The following DERA variants were observed in gnomAD, a reference collection of about 807,000 sequenced individuals.
The protein encoded by DERA is deoxyribose-phosphate aldolase.
In DERA, 15 loss-of-function variants were observed where a neutral mutation model predicts 41.1. That is an observed-to-expected ratio of 0.37 (90% CI 0.24 to 0.56). The LOEUF (loss-of-function observed/expected upper bound fraction) is 0.56. Ranked by LOEUF, DERA falls within the 20% of genes least tolerant of loss-of-function variation. The probability of loss-of-function intolerance (pLI) is 0.81; values close to 1 mark genes in which losing one functional copy is unlikely to be tolerated. For missense variants in DERA, 396 were observed against 403.4 expected (o/e 0.98, Z 0.16); for synonymous variants, 139 against 137.4 (o/e 1.01, Z -0.08).
In DERA at chr12:15,943,703, A is replaced by ATTTT. The variant is rs1483855319; in HGVS notation, c.32-13231_32-13228dup. 9.5e-5 allele frequency among the ~76,000 whole-genome samples: 9 copies of ATTTT among 94,996 alleles called. No individual in the cohort carries two copies. The highest frequency in any genetic ancestry group is 2.1e-4 in the Non-Finnish European group (9 of 43,388). The allele number at this position is 94,996 out of a possible 152,430, so 62.3% of individuals were successfully genotyped here. A position where few individuals can be genotyped will look rare whatever the true frequency, so the allele number is the denominator to read the frequency against. On this transcript the variant is annotated intron_variant, in intron 1 of 8. Transcript: ENST00000428559. This position sits in a 1 kb window ranked among gnomAD's most constrained non-coding sequence, Gnocchi z 4.5. ...TCTGTTTCTTCTTTTTTATTTTTTAATTTTTATTTATTTATTTATTTATTT... is the reference window on the plus strand; with the variant it reads ...TCTGTTTCTTCTTTTTTATTTTTTAATTTTTTTTTATTTATTTATTTATTTATTT...
At chr12:15,947,424 G>A (rs182506869) in intron 1 of DERA, among the ~76,000 whole-genome samples, 3 of 152,230 alleles carry the variant, frequency 2.0e-5, no homozygotes, top group South Asian at 2.1e-4. Flanking sequence ...AGGGTAGTTA[G>A]CTCTTCTTGT....
chr12:16,010,396 T>C lies in DERA; in HGVS notation c.638-22146T>C, dbSNP rs747645951. 8.5e-5 allele frequency among the ~76,000 whole-genome samples: 13 copies of C among 152,102 alleles called. No individual in the cohort carries two copies. The highest frequency in any genetic ancestry group is 7.4e-5 in the Non-Finnish European group (5 of 68,026). The stretch of plus-strand genomic sequence containing the variant: ...GAATGATTCTGATATCCCAGTGATA[T>C]AAAACATGATCTGGCAAAATTTGAT... On this transcript the variant is annotated intron_variant, in intron 6 of 8. Transcript: ENST00000428559. This position sits in a 1 kb window ranked among gnomAD's most constrained non-coding sequence, Gnocchi z 5.5.
At chr12:15,929,460 C>CTTGT (rs905726536) in intron 1 of DERA, among the ~76,000 whole-genome samples, 1 of 152,182 alleles carries the variant, frequency 6.6e-6, no homozygotes, top group Admixed American at 6.5e-5. Flanking sequence ...GTAGCGGAGG[C>CTTGT]TTGTTTGTTT....
chr12:15,978,229 C>A (rs958162162), intron 5 of DERA, among the ~76,000 whole-genome samples: 2 of 152,290 alleles, frequency 1.3e-5, no homozygotes, highest in Middle Eastern at 6.8e-3. Flanking sequence ...GTCCTCAAAA[C>A]GACCTAAACA....
chr12:15,973,800 C>T (rs910769003), intron 5 of DERA, among the ~76,000 whole-genome samples: 4 of 151,878 alleles, frequency 2.6e-5, no homozygotes, highest in African/African-American at 9.7e-5. Context: ...ATAATATGTA[C>T]CATATGTAAT....
chr12:15,959,933 T>C lies in DERA; in HGVS notation c.373+9T>C. On this transcript the variant is annotated intron_variant, in intron 4 of 8. Transcript: ENST00000428559. This position sits in a 1 kb window ranked among gnomAD's most constrained non-coding sequence, Gnocchi z 4.5. ...TATCCCTGTGGCATCAGGTAAAATG[T>C]GTTGTGGCTTTTGTTGTTATTTTTT... 1 of 1,529,660 alleles carries C rather than the reference T, an allele frequency of 6.5e-7. No homozygotes were observed. Among genetic ancestry groups the C allele is most frequent in the South Asian group, 1.2e-5 (1 of 81,720 alleles). 94.8% of individuals were successfully genotyped at this position (1,529,660 alleles called of 1,614,324 possible).
rs553750911 is a variant in DERA at position 15,956,122 on chromosome 12, T to A, written c.32-814T>A. Among the ~76,000 whole-genome samples the A allele has an allele frequency of 4.6e-5, 7 of 152,322 alleles. No homozygotes were observed. In the East Asian group the frequency reaches 1.4e-3, roughly 29 times the overall value. ...ACAATGTACTAAGTACAACGAATGGTTTCACCAGGAATCCTTGATGAATTG... is the reference window on the plus strand; with the variant it reads ...ACAATGTACTAAGTACAACGAATGGATTCACCAGGAATCCTTGATGAATTG... On this transcript the variant is annotated intron_variant, in intron 1 of 8. Transcript: ENST00000428559.
intron 1 of DERA, among the ~76,000 whole-genome samples, chr12:15,930,021 G>A (rs1014510265): frequency 6.6e-6 from 1 of 152,172 alleles, no homozygotes; most frequent in African/African-American, 2.4e-5. Context: ...GTAAAAAATA[G>A]TGAATAAAAG....
chr12:15,913,340 T>A lies in DERA; in HGVS notation c.31+1926T>A, dbSNP rs935375661. On this transcript the variant is annotated intron_variant, in intron 1 of 8. Transcript: ENST00000428559. The surrounding 1 kb of genome is among the most constrained non-coding windows in gnomAD (Gnocchi z 4.5). The stretch of plus-strand genomic sequence containing the variant: ...GATTTTTTTCCTTCACGGGTATTAA[T>A]CCTTAATCCAAACAGGTTTAAACTG... Among the ~76,000 whole-genome samples the A allele has an allele frequency of 9.9e-5, 15 of 152,170 alleles. No homozygotes were observed. The highest frequency in any genetic ancestry group is 3.6e-4 in the African/African-American group (15 of 41,452).
At position 15,958,412 on chromosome 12, in the gene DERA, A is replaced by G. The variant is rs1449988982; in HGVS notation, c.277+77A>G. The G allele has an allele frequency of 5.1e-6, 6 of 1,187,918 alleles. No individual in the cohort carries two copies. In the Admixed American group the frequency reaches 1.6e-4, roughly 31 times the overall value. The allele number at this position is 1,187,918 out of a possible 1,614,324, so 73.6% of individuals were successfully genotyped here. ...TACTAAATCAAAGACGACTTAAGAT[A>G]CAGCTGCTAATGATAGCGGTGATAG... On this transcript the variant is annotated intron_variant, in intron 3 of 8. Coordinates refer to ENST00000428559, the MANE Select transcript of DERA (RefSeq NM_015954.4).
intron 4 of DERA, among the ~76,000 whole-genome samples, 194 bp downstream of exon 4, chr12:15,960,118 G>A (rs1328491194): frequency 6.6e-6 from 1 of 151,528 alleles, no homozygotes; most frequent in Non-Finnish European, 1.5e-5. Flanking sequence ...ATATAGAACT[G>A]TATTCCTATC....
rs1948851310 is a variant in DERA at position 15,998,113 on chromosome 12, C to T, written c.637+15677C>T. 6.6e-6 allele frequency among the ~76,000 whole-genome samples: 1 copy of T among 152,150 alleles called. No individual in the cohort carries two copies. Among genetic ancestry groups the T allele is most frequent in the Non-Finnish European group, 1.5e-5 (1 of 68,026 alleles). On this transcript the variant is annotated intron_variant, in intron 6 of 8. Transcript: ENST00000428559. This position sits in a 1 kb window ranked among gnomAD's most constrained non-coding sequence, Gnocchi z 4.8. Reference sequence around the variant, plus strand: ...TGGGCTGCACATTAGAGTTTCCTGGCAAGCTTCTTTAATGAACTGTTGCAA... The same window carrying T: ...TGGGCTGCACATTAGAGTTTCCTGGTAAGCTTCTTTAATGAACTGTTGCAA...
At position 16,013,548 on chromosome 12, in the gene DERA, C is replaced by T. The variant is rs1346669226; in HGVS notation, c.638-18994C>T. Among the ~76,000 whole-genome samples, 2 of 152,220 alleles carry T rather than the reference C, an allele frequency of 1.3e-5. No homozygotes were observed. The highest frequency in any genetic ancestry group is 4.8e-5 in the African/African-American group (2 of 41,466). ...GTTTCCTGAGGCCTCCCCAGCCATG[C>T]TGAACTGTGAGTCAGTTAAACTTCT... is the stretch of plus-strand genomic sequence containing the variant. On this transcript the variant is annotated intron_variant, in intron 6 of 8. Transcript: ENST00000428559. The surrounding 1 kb of genome is among the most constrained non-coding windows in gnomAD (Gnocchi z 5.8).
chr12:15,912,749 T>C (rs1322509912), intron 1 of DERA, among the ~76,000 whole-genome samples: 1 of 152,200 alleles, frequency 6.6e-6, no homozygotes, highest in Non-Finnish European at 1.5e-5. Flanking sequence ...CACATACAGG[T>C]AGGTCCTTTT....
Position 16,012,765 on chromosome 12 carries a change from A to G in DERA, c.638-19777A>G, listed in dbSNP as rs964648233. Among the ~76,000 whole-genome samples the G allele has an allele frequency of 2.0e-5, 3 of 152,222 alleles. No individual in the cohort carries two copies. Among genetic ancestry groups the G allele is most frequent in the African/African-American group, 7.2e-5 (3 of 41,460 alleles). ...GGTGTCTCATTGAAGCTCTGTAAAA[A>G]TGCTGTTGAACAGATATATTTAATT... On this transcript the variant is annotated intron_variant, in intron 6 of 8. Coordinates refer to ENST00000428559, the MANE Select transcript of DERA (RefSeq NM_015954.4). This position sits in a 1 kb window ranked among gnomAD's most constrained non-coding sequence, Gnocchi z 4.1.
intron 4 of DERA, among the ~76,000 whole-genome samples, chr12:15,960,333 AAATAT>A (rs1457131596): frequency 6.6e-6 from 1 of 150,804 alleles, no homozygotes; most frequent in Non-Finnish European, 1.5e-5. Flanking sequence ...TATATATGTA[AAATAT>A]AATAATAATG....
chr12:15,940,675 A>C lies in DERA; in HGVS notation c.32-16261A>C, dbSNP rs1289440827. ...CTGCTTTACTTCTTACACATTCACT[A>C]GAAAATTTAGATCTAAAAGTGAGCA... On this transcript the variant is annotated intron_variant, in intron 1 of 8. Transcript: ENST00000428559. The surrounding 1 kb of genome is among the most constrained non-coding windows in gnomAD (Gnocchi z 5.1). Among the ~76,000 whole-genome samples, 1 of 152,146 alleles carries C rather than the reference A, an allele frequency of 6.6e-6. No individual in the cohort carries two copies. Among genetic ancestry groups the C allele is most frequent in the African/African-American group, 2.4e-5 (1 of 41,430 alleles).
At chr12:16,032,174 C>T (rs1305898380) in intron 6 of DERA, among the ~76,000 whole-genome samples, 1 of 152,056 alleles carries the variant, frequency 6.6e-6, no homozygotes, top group Non-Finnish European at 1.5e-5. Flanking sequence ...TGAGTAGGCA[C>T]TCCTGTTTTG....
In DERA at chr12:16,001,764, C is replaced by T. The variant is rs764436158; in HGVS notation, c.637+19328C>T. The stretch of plus-strand genomic sequence containing the variant: ...TCATGAGTTAGGAGAACACTAAGAC[C>T]GAATGCTCTGTCTCCTGCTTCCCTG... On this transcript the variant is annotated intron_variant, in intron 6 of 8. Coordinates refer to ENST00000428559, the MANE Select transcript of DERA (RefSeq NM_015954.4). This position sits in a 1 kb window ranked among gnomAD's most constrained non-coding sequence, Gnocchi z 4.1. Among the ~76,000 whole-genome samples, 6 of 152,032 alleles carry T rather than the reference C, an allele frequency of 3.9e-5. No homozygotes were observed. The highest frequency in any genetic ancestry group is 8.8e-5 in the Non-Finnish European group (6 of 68,004).
Sources: allele counts gnomAD v4.1 joint callset (sites outside exome capture counted in the v4.1 genomes callset), GRCh38; gene constraint gnomAD v4.1.1; non-coding constraint Gnocchi (gnomAD v3.1); transcripts MANE v1.5; gene names NCBI Gene and HGNC (gene_info 2026-07-23, HGNC 2026-07-21).